Variants in PPP1R12A observed in about 807,000 individuals in gnomAD.
PPP1R12A encodes the protein protein phosphatase 1 regulatory subunit 12A, also known as myosin binding subunit.
In PPP1R12A, 19 loss-of-function variants were observed where a neutral mutation model predicts 139.6. The ratio of observed to expected loss-of-function variants is 0.14; its 90% CI spans 0.09 to 0.20. PPP1R12A has a LOEUF of 0.20. PPP1R12A is among the 10% of genes least tolerant of loss of function. The pLI, the probability that PPP1R12A is intolerant of heterozygous loss-of-function variation, is 1.00. For synonymous variants in PPP1R12A, 427 were observed against 420.6 expected, an observed-to-expected ratio of 1.02 and a Z score of -0.19; for missense variants, 925 against 1,211.5, an observed-to-expected ratio of 0.76 and a Z score of 3.51.
chr12:79,921,494 T>C (rs536477147), intron 1 of PPP1R12A, among the ~76,000 whole-genome samples: 12 of 152,358 alleles, frequency 7.9e-5, no homozygotes, highest in Admixed American at 6.5e-4. Flanking sequence ...AAGTTACCTA[T>C]AACTTACAGA....
chr12:79,907,512 G>A (rs1333209744), intron 1 of PPP1R12A, among the ~76,000 whole-genome samples: 1 of 152,186 alleles, frequency 6.6e-6, no homozygotes, highest in African/African-American at 2.4e-5. Flanking sequence ...TTAAGAACTT[G>A]ATAAACAGAG....
chr12:79,822,273 A>G lies in PPP1R12A; in HGVS notation c.793-83T>C. The G allele has an allele frequency of 4.9e-6, 5 of 1,014,058 alleles. No homozygotes were observed. The South Asian group carries it at 7.6e-5, about 15-fold the overall frequency. The allele number at this position is 1,014,058 out of a possible 1,614,324, so 62.8% of individuals were successfully genotyped here. ...CTTCAGTAATTCTGTATAATTTTAT[A>G]TAAAGACGTTGGATAACATTTTTTA... is the stretch of plus-strand genomic sequence containing the variant. On this transcript the variant is annotated intron_variant, in intron 5 of 24. Transcript: ENST00000450142.
chr12:79,917,320 A>G (rs2136932971), intron 1 of PPP1R12A, among the ~76,000 whole-genome samples: 1 of 152,012 alleles, frequency 6.6e-6, no homozygotes, highest in Non-Finnish European at 1.5e-5. Context: ...CCCCATCTCT[A>G]CTAAAAATAG....
At chr12:79,928,032 T>C (rs915211995) in intron 1 of PPP1R12A, among the ~76,000 whole-genome samples, 1 of 152,254 alleles carries the variant, frequency 6.6e-6, no homozygotes, top group African/African-American at 2.4e-5. Context: ...AACAACGTTT[T>C]ATGCCTCCCC....
chr12:79,784,539 T>C (rs1870871830), intron 22 of PPP1R12A, among the ~76,000 whole-genome samples: 1 of 152,158 alleles, frequency 6.6e-6, no homozygotes, highest in African/African-American at 2.4e-5. Flanking sequence ...GACAATGAAG[T>C]AGGCAGCAGA....
chr12:79,904,542 ATAT>A lies in PPP1R12A; in HGVS notation c.237+30150_237+30152del, dbSNP rs1264753816. On this transcript the variant is annotated intron_variant, in intron 1 of 24. Coordinates refer to ENST00000450142, the MANE Select transcript of PPP1R12A (RefSeq NM_002480.3). ...CTTATGACGAAAACCTTGCTGCAGA[ATAT>A]TATTATCATTTAACAAGCTCTGAAG... Among the ~76,000 whole-genome samples the A allele has an allele frequency of 2.0e-5, 3 of 152,100 alleles. No homozygotes were observed. In the East Asian group the frequency reaches 5.8e-4, roughly 29 times the overall value.
chr12:79,897,500 C>G (rs952755304), intron 1 of PPP1R12A, among the ~76,000 whole-genome samples: 1 of 151,926 alleles, frequency 6.6e-6, no homozygotes, highest in African/African-American at 2.4e-5. Context: ...CAAACCTGCA[C>G]ATGTACCCTC....
intron 1 of PPP1R12A, among the ~76,000 whole-genome samples, chr12:79,932,568 CAGAA>C (rs1377231238): frequency 6.6e-6 from 1 of 152,092 alleles, no homozygotes; most frequent in Non-Finnish European, 1.5e-5. Context: ...CAAAAAGTGA[CAGAA>C]AGATATTACG....
intron 9 of PPP1R12A, among the ~76,000 whole-genome samples, chr12:79,815,981 A>AT (rs67566123): frequency 1.2e-3 from 180 of 150,996 alleles, no homozygotes; most frequent in Admixed American, 4.1e-3. Flanking sequence ...AACAGCAGGG[A>AT]TTTTTTTTTT....
chr12:79,789,481 T>G (rs1463234732), intron 20 of PPP1R12A: 5 of 297,576 alleles, frequency 1.7e-5, no homozygotes, highest in African/African-American at 1.1e-4. Flanking sequence ...ATGTCTTAGA[T>G]TTGATGAAAT....
intron 19 of PPP1R12A, among the ~76,000 whole-genome samples, chr12:79,791,428 C>G (rs573103711): frequency 6.6e-6 from 1 of 152,218 alleles, no homozygotes; most frequent in Non-Finnish European, 1.5e-5. Flanking sequence ...CCTGGCCCAA[C>G]TGATCCTTCT....
At chr12:79,906,259 G>A (rs1886102039) in intron 1 of PPP1R12A, among the ~76,000 whole-genome samples, 1 of 151,840 alleles carries the variant, frequency 6.6e-6, no homozygotes, top group South Asian at 2.1e-4. Flanking sequence ...TATATGATAA[G>A]TGGGATTAAA....
intron 1 of PPP1R12A, among the ~76,000 whole-genome samples, chr12:79,876,847 T>C (rs1003077044): frequency 6.6e-5 from 10 of 151,914 alleles, no homozygotes; most frequent in Non-Finnish European, 1.5e-4. Context: ...CTGTCTCTAC[T>C]AAAAATACAA....
intron 2 of PPP1R12A, among the ~76,000 whole-genome samples, chr12:79,872,175 G>A (rs903693154): frequency 6.6e-6 from 1 of 151,860 alleles, no homozygotes; most frequent in African/African-American, 2.4e-5. Flanking sequence ...TGAGCAGAGA[G>A]ACAACAAAAC....
At chr12:79,840,971 T>C (rs79650324) in intron 3 of PPP1R12A, among the ~76,000 whole-genome samples, 2,860 of 152,004 alleles carry the variant, frequency 0.019, 92 homozygotes, top group African/African-American at 0.066. Flanking sequence ...GCCCTGACTT[T>C]GAATCTCAAT....
At chr12:79,844,545 C>A (rs538985284) in intron 3 of PPP1R12A, among the ~76,000 whole-genome samples, 1 of 152,270 alleles carries the variant, frequency 6.6e-6, no homozygotes, top group Non-Finnish European at 1.5e-5. Context: ...AAATAAATCA[C>A]TTTATTTTGT....
intron 7 of PPP1R12A, 54 bp downstream of exon 7, chr12:79,821,024 C>T: frequency 1.3e-6 from 2 of 1,589,600 alleles, no homozygotes; most frequent in Non-Finnish European, 1.7e-6. Flanking sequence ...TGCCTGTGGC[C>T]ACTATGCCAA....
In PPP1R12A at chr12:79,775,797, TAAGAG is replaced by T; in HGVS notation, c.*127_*131del. ...AACAAAATGAAACAAAAATTCTAGA[TAAGAG>T]GGCATTTGGCAGGATATCCGAAAAT... is the stretch of plus-strand genomic sequence containing the variant. On this transcript the variant is annotated 3_prime_UTR_variant, in exon 25 of 25. Transcript: ENST00000450142. The T allele has an allele frequency of 1.0e-5, 5 of 496,350 alleles. No homozygotes were observed. The highest frequency in any genetic ancestry group is 1.7e-5 in the Non-Finnish European group (5 of 296,448). 30.7% of individuals were successfully genotyped at this position (496,350 alleles called of 1,614,324 possible).
chr12:79,800,275 C>T (rs748659636), intron 14 of PPP1R12A, among the ~76,000 whole-genome samples: 15 of 152,108 alleles, frequency 9.9e-5, no homozygotes, highest in Non-Finnish European at 1.6e-4. Context: ...CTTCCACCTC[C>T]ACCACCTCTG....
Sources: allele counts gnomAD v4.1 joint callset (sites outside exome capture counted in the v4.1 genomes callset), GRCh38; gene constraint gnomAD v4.1.1; transcripts MANE v1.5; gene names NCBI Gene and HGNC (gene_info 2026-07-23, HGNC 2026-07-21).